RFT1: variants seen among roughly 807,000 people sequenced by gnomAD.
The protein encoded by RFT1 is RFT1 glycolipid translocator homolog.
RFT1 carries 43 observed loss-of-function variants against 62.2 expected under a neutral mutation model. That is an observed-to-expected ratio of 0.69 (90% confidence interval 0.54 to 0.89). The LOEUF is 0.89. RFT1 is among the 40% of genes least tolerant of loss of function. The pLI is 0.00. For missense variants in RFT1, 605 were observed against 649.9 expected (o/e 0.93, Z 0.75); for synonymous variants, 262 against 264.6 (o/e 0.99, Z 0.10).
intron 9 of RFT1, among the ~76,000 whole-genome samples, chr3:53,104,400 TA>T (rs905472888): frequency 1.3e-5 from 2 of 151,862 alleles, no homozygotes; most frequent in African/African-American, 4.8e-5. Flanking sequence ...TTTTTTTTTT[TA>T]AATAGAAATA....
At chr3:53,103,864 C>A (rs1192292538) in intron 10 of RFT1, 89 bp downstream of exon 10, 9 of 1,496,520 alleles carry the variant, frequency 6.0e-6, no homozygotes, top group Non-Finnish European at 7.4e-6. Flanking sequence ...ACACAGATAA[C>A]AACTGTGTGT....
intron 2 of RFT1, among the ~76,000 whole-genome samples, chr3:53,124,659 C>T (rs1201743935): frequency 6.6e-6 from 1 of 152,154 alleles, no homozygotes; most frequent in African/African-American, 2.4e-5. Context: ...TTCCTTCCTG[C>T]TTTTAAAACA....
At chr3:53,094,677 C>A (rs1361350632) in intron 11 of RFT1, among the ~76,000 whole-genome samples, 1 of 152,050 alleles carries the variant, frequency 6.6e-6, no homozygotes, top group Non-Finnish European at 1.5e-5. Flanking sequence ...TCTACTATAC[C>A]AATCCTTGGA....
intron 4 of RFT1, 103 bp from the exon 5 acceptor site, chr3:53,121,903 G>T (rs1279241926): frequency 2.2e-6 from 2 of 915,662 alleles, no homozygotes; most frequent in East Asian, 2.6e-5. Flanking sequence ...CCCTGGCTGT[G>T]GGGGCAGGGC....
chr3:53,095,020 C>A (rs1203625580), intron 11 of RFT1, among the ~76,000 whole-genome samples: 1 of 152,064 alleles, frequency 6.6e-6, no homozygotes, highest in African/African-American at 2.4e-5. Context: ...GTAATCCCAG[C>A]ACTTTGGGAG....
At chr3:53,076,421 T>G in the RFT1 span, among the ~76,000 whole-genome samples, 1 of 151,942 alleles carries the variant, frequency 6.6e-6, no homozygotes, top group Non-Finnish European at 1.5e-5. Context: ...GAATATAAAG[T>G]ACAAATATAA....
At chr3:53,101,593 C>A (rs1407660692) in intron 10 of RFT1, among the ~76,000 whole-genome samples, 1 of 152,212 alleles carries the variant, frequency 6.6e-6, no homozygotes, top group African/African-American at 2.4e-5. Flanking sequence ...TTAAGTTGAA[C>A]TGTCCCCCCA....
chr3:53,112,218 A>G (rs145900076), intron 6 of RFT1, among the ~76,000 whole-genome samples: 1 of 152,352 alleles, frequency 6.6e-6, no homozygotes, highest in Non-Finnish European at 1.5e-5. Context: ...TACAGCTCAC[A>G]GTTTGTTCTT....
the RFT1 span, among the ~76,000 whole-genome samples, chr3:53,070,890 C>T: frequency 3.3e-5 from 5 of 151,546 alleles, no homozygotes; most frequent in East Asian, 7.9e-4. Flanking sequence ...CATGCCACCA[C>T]GCCTGGCTAA....
rs1701722562 is a variant in RFT1, at chr3:53,113,983, C to T, written c.697-2075G>A. On this transcript the variant is annotated intron_variant, in intron 6 of 12. Transcript: ENST00000296292. ...GGAATCAGAGAACCTAGAGCAGATG[C>T]CAGGTTATCTCTTTAGCCCAGGAGT... is the stretch of plus-strand genomic sequence containing the variant. Among the ~76,000 whole-genome samples the T allele has an allele frequency of 2.0e-5, 3 of 152,200 alleles. No homozygotes were observed. In the South Asian group the frequency reaches 6.2e-4, roughly 32 times the overall value.
chr3:53,103,555 T>A (rs1331679384), intron 10 of RFT1: 2 of 242,592 alleles, frequency 8.2e-6, no homozygotes, highest in African/African-American at 4.5e-5. Flanking sequence ...GGCTGGGAGA[T>A]TTATGTGGCA....
chr3:53,105,419 C>A (rs1464388122), intron 9 of RFT1, among the ~76,000 whole-genome samples: 12 of 146,140 alleles, frequency 8.2e-5, no homozygotes, highest in Admixed American at 3.4e-4. Flanking sequence ...ATCCCCGCCC[C>A]CCCCCCCAAA....
chr3:53,125,428 G>A (rs1702082122), intron 2 of RFT1, among the ~76,000 whole-genome samples: 1 of 152,304 alleles, frequency 6.6e-6, no homozygotes, highest in East Asian at 1.9e-4. Flanking sequence ...AGAAACTGAT[G>A]ACAAAGACTC....
intron 5 of RFT1, among the ~76,000 whole-genome samples, chr3:53,120,668 C>A (rs977594515): frequency 6.6e-6 from 1 of 152,184 alleles, no homozygotes; most frequent in African/African-American, 2.4e-5. Flanking sequence ...TCCAAAAAAG[C>A]CCCTTTTCAC....
intron 11 of RFT1, among the ~76,000 whole-genome samples, chr3:53,099,067 G>A (rs147380590): frequency 1.3e-5 from 2 of 152,270 alleles, no homozygotes; most frequent in African/African-American, 2.4e-5. Flanking sequence ...AGGAGGTGGA[G>A]GAATGGAAAT....
At chr3:53,072,061 G>A in the RFT1 span, among the ~76,000 whole-genome samples, 1 of 152,336 alleles carries the variant, frequency 6.6e-6, no homozygotes, top group East Asian at 1.9e-4. Context: ...ACGTGTCCTA[G>A]AGGCAGCTGC....
intron 11 of RFT1, among the ~76,000 whole-genome samples, chr3:53,098,672 C>A (rs368369080): frequency 1.3e-5 from 2 of 151,828 alleles, no homozygotes; most frequent in Non-Finnish European, 2.9e-5. Context: ...CATGGTGGCA[C>A]GCGCCTGTAG....
At chr3:53,092,767 A>G (rs1701034841) in intron 11 of RFT1, 149 bp from the exon 12 acceptor site, 1 of 900,708 alleles carries the variant, frequency 1.1e-6, no homozygotes, top group Middle Eastern at 3.3e-4. Context: ...CCTGGAGACC[A>G]TGGGAATGTC....
downstream of RFT1, among the ~76,000 whole-genome samples, chr3:53,085,174 C>T (rs1252141655): frequency 6.6e-6 from 1 of 152,218 alleles, no homozygotes; most frequent in Non-Finnish European, 1.5e-5. Context: ...CTGGGTCCTC[C>T]TCCTCTCACT....
Sources: gnomAD v4.1 joint callset for allele counts (sites outside exome capture counted in the v4.1 genomes callset) on GRCh38, gnomAD v4.1.1 for gene constraint, MANE v1.5 for transcripts, NCBI Gene and HGNC (gene_info 2026-07-23, HGNC 2026-07-21) for gene names.